FSHR: variants seen among roughly 807,000 people sequenced by gnomAD.
FSHR encodes follicle-stimulating hormone receptor.
Under a neutral mutation model 52.1 loss-of-function variants are expected in FSHR, and 46 were observed. That is an observed-to-expected ratio of 0.88 (90% CI 0.70 to 1.13). FSHR has a LOEUF of 1.13. Among genes scored for constraint, FSHR ranks in the 50% most tolerant of loss-of-function variants. FSHR has a pLI of 0.00. For synonymous variants in FSHR, 399 were observed against 309.6 expected (o/e 1.29, Z -3.03); for missense variants, 964 against 834.6 (o/e 1.16, Z -1.91).
chr2:49,057,893 T>C (rs1386834186), intron 2 of FSHR, among the ~76,000 whole-genome samples: 9 of 152,082 alleles, frequency 5.9e-5, no homozygotes, highest in Admixed American at 5.9e-4. Context: ...ACATGATACA[T>C]TAAAGCAACA....
At chr2:48,986,250 G>T (rs1292382366) in intron 6 of FSHR, among the ~76,000 whole-genome samples, 1 of 152,116 alleles carries the variant, frequency 6.6e-6, no homozygotes, top group Non-Finnish European at 1.5e-5. Context: ...GTGTTAGTTT[G>T]CTTAGAATAT....
chr2:49,007,750 C>G (rs148944912), intron 4 of FSHR, among the ~76,000 whole-genome samples: 11 of 152,082 alleles, frequency 7.2e-5, no homozygotes, highest in African/African-American at 2.7e-4. Flanking sequence ...CTGTCACCAC[C>G]ATCATCATGA....
intron 1 of FSHR, among the ~76,000 whole-genome samples, chr2:49,115,341 G>C (rs997089779): frequency 6.6e-6 from 1 of 151,992 alleles, no homozygotes; most frequent in African/African-American, 2.4e-5. Flanking sequence ...CCAAGGTCAA[G>C]GTCATTCAAC....
intron 1 of FSHR, among the ~76,000 whole-genome samples, chr2:49,069,213 C>T (rs1475574870): frequency 6.6e-6 from 1 of 152,084 alleles, no homozygotes; most frequent in African/African-American, 2.4e-5. Context: ...GACAACTACC[C>T]TTTGATCATC....
At chr2:49,030,882 G>T (rs1183779872) in intron 2 of FSHR, among the ~76,000 whole-genome samples, 1 of 152,164 alleles carries the variant, frequency 6.6e-6, no homozygotes, top group Non-Finnish European at 1.5e-5. Flanking sequence ...TTTTTACAGT[G>T]AAGGGACCTG....
chr2:48,968,659 T>A (rs2104007784), intron 9 of FSHR, 39 bp downstream of exon 9: 1 of 1,607,496 alleles, frequency 6.2e-7, no homozygotes, highest in African/African-American at 1.3e-5. Context: ...AGTTCTACAT[T>A]GGGGAAATGC....
At chr2:49,065,435 A>G (rs1039463174) in intron 2 of FSHR, among the ~76,000 whole-genome samples, 6 of 152,048 alleles carry the variant, frequency 3.9e-5, no homozygotes, top group Admixed American at 1.3e-4. Flanking sequence ...GGACTGGAGG[A>G]GCACCTTGGC....
intron 4 of FSHR, among the ~76,000 whole-genome samples, chr2:48,992,434 G>T (rs892993715): frequency 6.6e-6 from 1 of 152,098 alleles, no homozygotes; most frequent in Non-Finnish European, 1.5e-5. Context: ...CATCCATGAT[G>T]TCCCCCACTG....
chr2:49,073,808 C>A (rs998813711), intron 1 of FSHR, among the ~76,000 whole-genome samples: 1 of 151,984 alleles, frequency 6.6e-6, no homozygotes, highest in African/African-American at 2.4e-5. Context: ...GCTATAGTAA[C>A]CAAAACAACA....
At chr2:49,061,782 A>AG (rs1382719474) in intron 2 of FSHR, among the ~76,000 whole-genome samples, 11 of 141,638 alleles carry the variant, frequency 7.8e-5, no homozygotes, top group South Asian at 2.1e-4. Context: ...AACTCTATAT[A>AG]TTCATATATA....
intron 2 of FSHR, among the ~76,000 whole-genome samples, chr2:49,021,992 A>T (rs1667742138): frequency 6.7e-6 from 1 of 149,062 alleles, no homozygotes; most frequent in Non-Finnish European, 1.5e-5. Flanking sequence ...GAGTTCTGAG[A>T]GGTACAGAAT....
chr2:49,068,215 A>G lies in FSHR; in HGVS notation c.224+4T>C. On this transcript the variant is annotated splice_donor_region_variant and intron_variant, in intron 2 of 9. Transcript: ENST00000406846. ...ATTCACTCACAGCAGTGCTAGGTAC[A>G]TACATTTTCTCCAGGTCCCCAAATC... is the stretch of plus-strand genomic sequence containing the variant. The G allele has an allele frequency of 1.2e-6, 2 of 1,609,380 alleles. No homozygotes were observed. The highest frequency in any genetic ancestry group is 1.7e-6 in the Non-Finnish European group (2 of 1,177,420).
In FSHR at chr2:49,111,709, C is replaced by T. The variant is rs576032201; in HGVS notation, c.152+42557G>A. 5.3e-5 allele frequency among the ~76,000 whole-genome samples: 8 copies of T among 152,258 alleles called. No homozygotes were observed. The East Asian group carries it at 1.5e-3, about 29-fold the overall frequency. On this transcript the variant is annotated intron_variant, in intron 1 of 9. Coordinates refer to ENST00000406846, the MANE Select transcript of FSHR (RefSeq NM_000145.4). ...GCAGCTGGTGCTCCCCACGGCTCCTCAGCAAGTGTCTATTATGAGTTTTCA... is the reference window on the plus strand; with the variant it reads ...GCAGCTGGTGCTCCCCACGGCTCCTTAGCAAGTGTCTATTATGAGTTTTCA...
chr2:49,021,863 C>CTCTCTATATATATATATATATATA (rs1467766420), intron 2 of FSHR, among the ~76,000 whole-genome samples: 1 of 49,860 alleles, frequency 2.0e-5, no homozygotes, highest in African/African-American at 8.2e-5. Flanking sequence ...CTCTCTCTCT[C>CTCTCTATATATATATATATATATA]TATATATATA....
intron 2 of FSHR, among the ~76,000 whole-genome samples, chr2:49,030,756 A>G (rs1288209787): frequency 6.6e-6 from 1 of 152,156 alleles, no homozygotes. Flanking sequence ...TCCATATTTA[A>G]CTGGTTTTAT....
intron 1 of FSHR, among the ~76,000 whole-genome samples, chr2:49,127,825 TCTTCC>T (rs1672089769): frequency 1.1e-4 from 7 of 64,230 alleles, no homozygotes; most frequent in African/African-American, 4.9e-4. Flanking sequence ...TTCTTCTTCT[TCTTCC>T]TCTTCTTCTT....
chr2:49,074,641 T>C (rs139435620), intron 1 of FSHR, among the ~76,000 whole-genome samples: 25 of 152,176 alleles, frequency 1.6e-4, no homozygotes, highest in African/African-American at 5.5e-4. Flanking sequence ...CAAAAGGAGC[T>C]ATCATATGAT....
rs556762708 is a variant in FSHR at position 48,976,767 on chromosome 2, C to T, written c.668+6145G>A. ...TCTTTTACATTTTTTAGTTTATTTG[C>T]ATAGAGGTGTTTATAGTATTCTCTG... On this transcript the variant is annotated intron_variant, in intron 8 of 9. Coordinates refer to ENST00000406846, the MANE Select transcript of FSHR (RefSeq NM_000145.4). Among the ~76,000 whole-genome samples the T allele has an allele frequency of 1.4e-4, 22 of 152,224 alleles. No individual in the cohort carries two copies. The East Asian group carries it at 4.3e-3, about 29-fold the overall frequency.
At chr2:49,131,137 A>G (rs1672248187) in intron 1 of FSHR, among the ~76,000 whole-genome samples, 1 of 152,128 alleles carries the variant, frequency 6.6e-6, no homozygotes. Context: ...AATACAATAA[A>G]TGGGGAGATA....
Sources: gnomAD v4.1 joint callset for allele counts (sites outside exome capture counted in the v4.1 genomes callset) on GRCh38, gnomAD v4.1.1 for gene constraint, MANE v1.5 for transcripts, NCBI Gene and HGNC (gene_info 2026-07-23, HGNC 2026-07-21) for gene names.